Variants in SGCD observed in about 807,000 individuals in gnomAD.
SGCD encodes sarcoglycan delta.
A neutral mutation model predicts 36.6 loss-of-function variants in SGCD; 18 were observed. The ratio of observed to expected loss-of-function variants is 0.49; its 90% CI spans 0.34 to 0.73. The LOEUF is 0.73. Among genes scored for constraint, SGCD ranks in the 30% least tolerant of loss-of-function variants. The pLI is 0.01. For synonymous variants in SGCD, 133 were observed against 130.6 expected (o/e 1.02, Z -0.12); for missense variants, 387 against 346.7 (o/e 1.12, Z -0.92).
At chr5:156,678,917 G>A (rs1315833019) in intron 7 of SGCD, among the ~76,000 whole-genome samples, 13 of 152,080 alleles carry the variant, frequency 8.5e-5, no homozygotes, top group Admixed American at 7.9e-4. Context: ...TACACCCCTG[G>A]ATAACTCTGT....
At chr5:156,679,837 A>G (rs1169452787) in intron 7 of SGCD, among the ~76,000 whole-genome samples, 2 of 152,090 alleles carry the variant, frequency 1.3e-5, no homozygotes, top group Admixed American at 1.3e-4. Flanking sequence ...ATTCTTTCTC[A>G]TATGTATCAC....
intron 1 of SGCD, among the ~76,000 whole-genome samples, chr5:156,005,943 T>C (rs1029471720): frequency 6.6e-6 from 1 of 152,182 alleles, no homozygotes; most frequent in African/African-American, 2.4e-5. Context: ...ATGGGTGGCC[T>C]GGGTTTGAAT....
At chr5:155,772,472 G>C in the SGCD span, among the ~76,000 whole-genome samples, 1 of 152,122 alleles carries the variant, frequency 6.6e-6, no homozygotes, top group Non-Finnish European at 1.5e-5. Context: ...CACTTCATCA[G>C]GCAGAGACAG....
intron 1 of SGCD, among the ~76,000 whole-genome samples, chr5:155,907,739 A>T (rs922782886): frequency 6.6e-6 from 1 of 152,164 alleles, no homozygotes; most frequent in African/African-American, 2.4e-5. Flanking sequence ...CTTGAAATGG[A>T]GCCTACTCCT....
intron 3 of SGCD, among the ~76,000 whole-genome samples, chr5:156,236,883 G>T (rs1431213476): frequency 6.6e-6 from 1 of 150,862 alleles, no homozygotes; most frequent in Non-Finnish European, 1.5e-5. Context: ...GCCTAGGATG[G>T]AGCACAGCGG....
intron 1 of SGCD, among the ~76,000 whole-genome samples, chr5:155,889,985 A>G (rs1250904563): frequency 1.3e-5 from 2 of 152,246 alleles, no homozygotes; most frequent in Admixed American, 1.3e-4. Context: ...TGCTGAGTGC[A>G]TGATATAAAG....
chr5:156,576,395 G>A (rs1397802555), intron 4 of SGCD, among the ~76,000 whole-genome samples: 2 of 152,144 alleles, frequency 1.3e-5, no homozygotes, highest in East Asian at 1.9e-4. Flanking sequence ...ACATGTGCGT[G>A]TGTCTTTATA....
At chr5:155,827,772 A>G in the SGCD span, among the ~76,000 whole-genome samples, 16 of 139,884 alleles carry the variant, frequency 1.1e-4, no homozygotes, top group Non-Finnish European at 1.8e-4. Flanking sequence ...TCCATCTCCC[A>G]GGTTCAAGCA....
intron 6 of SGCD, among the ~76,000 whole-genome samples, chr5:156,627,033 C>T (rs1306701813): frequency 6.6e-5 from 10 of 152,198 alleles, no homozygotes; most frequent in Non-Finnish European, 2.9e-5. Context: ...ATTTCCTTCT[C>T]TTCCTTTAAG....
At chr5:156,581,579 G>A (rs1424340949) in intron 4 of SGCD, among the ~76,000 whole-genome samples, 1 of 152,180 alleles carries the variant, frequency 6.6e-6, no homozygotes, top group Non-Finnish European at 1.5e-5. Flanking sequence ...GCTCTGTCAG[G>A]TTCAAGCTTC....
chr5:156,691,730 G>C (rs772456846), intron 7 of SGCD, among the ~76,000 whole-genome samples: 2 of 152,168 alleles, frequency 1.3e-5, no homozygotes, highest in African/African-American at 4.8e-5. Context: ...ATCAGATTTG[G>C]CCGATGGGCC....
chr5:156,375,886 ATT>A (rs1279808788), intron 3 of SGCD, among the ~76,000 whole-genome samples: 1 of 152,098 alleles, frequency 6.6e-6, no homozygotes, highest in Admixed American at 6.6e-5. Context: ...TTGCTTTAAA[ATT>A]TTCTCTTTTA....
chr5:155,976,110 A>G (rs2127561062), intron 1 of SGCD, among the ~76,000 whole-genome samples: 1 of 152,318 alleles, frequency 6.6e-6, no homozygotes, highest in East Asian at 1.9e-4. Flanking sequence ...ATATGCAGTG[A>G]AAGCATAAAA....
intron 1 of SGCD, among the ~76,000 whole-genome samples, chr5:156,048,766 C>T (rs1468180374): frequency 2.0e-5 from 3 of 152,068 alleles, no homozygotes; most frequent in Admixed American, 2.0e-4. Context: ...TTCTCCCATT[C>T]TGTAGGTTGC....
At chr5:156,570,961 CAT>C (rs1759694330) in intron 4 of SGCD, among the ~76,000 whole-genome samples, 2 of 152,130 alleles carry the variant, frequency 1.3e-5, no homozygotes, top group Admixed American at 1.3e-4. Flanking sequence ...CAATTTTGTA[CAT>C]GTTATGGATA....
chr5:155,993,289 C>CCCAT (rs1161250562), intron 1 of SGCD, among the ~76,000 whole-genome samples: 1 of 151,584 alleles, frequency 6.6e-6, no homozygotes, highest in Non-Finnish European at 1.5e-5. Context: ...GACAGTCATT[C>CCCAT]CCATGTCTAT....
At chr5:156,670,737 G>A (rs548775412) in intron 7 of SGCD, among the ~76,000 whole-genome samples, 1 of 152,250 alleles carries the variant, frequency 6.6e-6, no homozygotes, top group Non-Finnish European at 1.5e-5. Flanking sequence ...ACTATAATAT[G>A]AATGAGAGTA....
chr5:155,835,696 A>G, the SGCD span, among the ~76,000 whole-genome samples: 1 of 152,158 alleles, frequency 6.6e-6, no homozygotes, highest in Non-Finnish European at 1.5e-5. Context: ...TTTTTTCTTG[A>G]TAATCATTAT....
chr5:155,765,637 T>C, the SGCD span, among the ~76,000 whole-genome samples: 1 of 152,204 alleles, frequency 6.6e-6, no homozygotes. Flanking sequence ...AAGGAAGTGC[T>C]GGACCATATG....
Sources: allele counts gnomAD v4.1 joint callset (sites outside exome capture counted in the v4.1 genomes callset), GRCh38; gene constraint gnomAD v4.1.1; transcripts MANE v1.5; gene names NCBI Gene and HGNC (gene_info 2026-07-23, HGNC 2026-07-21).